INPP4B: variants seen among roughly 807,000 people sequenced by gnomAD.
The protein encoded by INPP4B is inositol polyphosphate-4-phosphatase type II B, also known as inositol polyphosphate 4-phosphatase type II.
INPP4B carries 55 observed loss-of-function variants against 122.5 expected under a neutral mutation model. The observed-to-expected ratio is 0.45, with a 90% CI of 0.36 to 0.56. The LOEUF (loss-of-function observed/expected upper bound fraction) is 0.56, where lower values mean the gene tolerates loss of function less well. Ranked by LOEUF, INPP4B falls within the 20% of genes least tolerant of loss-of-function variation. INPP4B has a pLI of 0.00. For missense variants in INPP4B, 1,000 were observed against 1,097.7 expected (o/e 0.91, Z 1.26); for synonymous variants, 403 against 388.7 (o/e 1.04, Z -0.43).
intron 9 of INPP4B, among the ~76,000 whole-genome samples, chr4:142,273,722 T>A (rs1747035673): frequency 6.6e-6 from 1 of 151,874 alleles, no homozygotes; most frequent in Non-Finnish European, 1.5e-5. Context: ...ACATGCTTAA[T>A]CTAGTGATGC....
intron 7 of INPP4B, among the ~76,000 whole-genome samples, chr4:142,363,351 A>G (rs545687877): frequency 4.9e-4 from 74 of 151,804 alleles, no homozygotes; most frequent in South Asian, 2.1e-3. Flanking sequence ...ATATATATAT[A>G]TGTGTGTGTG....
chr4:142,832,159 G>A lies in INPP4B; in HGVS notation c.-254+14050C>T, dbSNP rs531942917. ...TATTTCTGCTTATGTGGAATGTGCC[G>A]AGTAGATAATTCAGTGATGAGTAAA... On this transcript the variant is annotated intron_variant, in intron 1 of 25. Coordinates refer to ENST00000262992, the MANE Select transcript of INPP4B (RefSeq NM_001101669.3). Among the ~76,000 whole-genome samples the A allele has an allele frequency of 1.1e-4, 17 of 152,276 alleles. No homozygotes were observed. In the South Asian group the frequency reaches 3.3e-3, roughly 30 times the overall value.
At chr4:142,521,744 G>C (rs1005090142) in intron 2 of INPP4B, among the ~76,000 whole-genome samples, 4 of 151,966 alleles carry the variant, frequency 2.6e-5, no homozygotes, top group African/African-American at 9.7e-5. Context: ...TAAGATTTCT[G>C]TGTTTTAAAC....
intron 1 of INPP4B, among the ~76,000 whole-genome samples, chr4:142,747,926 C>T (rs113085465): frequency 0.025 from 3,758 of 152,024 alleles, 60 homozygotes; most frequent in Middle Eastern, 0.095. Context: ...ATGTAGATGA[C>T]GAGTTGATAG....
chr4:142,367,332 C>T (rs997035566), intron 7 of INPP4B, among the ~76,000 whole-genome samples: 1 of 151,768 alleles, frequency 6.6e-6, no homozygotes, highest in Non-Finnish European at 1.5e-5. Context: ...GGACACAATT[C>T]CCTAGACTTC....
chr4:142,496,377 C>T (rs142859259), intron 2 of INPP4B, among the ~76,000 whole-genome samples: 1 of 152,198 alleles, frequency 6.6e-6, no homozygotes, highest in African/African-American at 2.4e-5. Context: ...CTGCTTTGAA[C>T]ATTATCATAA....
intron 2 of INPP4B, among the ~76,000 whole-genome samples, chr4:142,557,225 A>G (rs998979276): frequency 1.3e-5 from 2 of 152,176 alleles, no homozygotes; most frequent in African/African-American, 4.8e-5. Flanking sequence ...AAACAGTTGT[A>G]GAGAGGAGAA....
chr4:142,265,731 C>T (rs779793803), intron 10 of INPP4B, among the ~76,000 whole-genome samples: 2 of 152,152 alleles, frequency 1.3e-5, no homozygotes, highest in Admixed American at 6.5e-5. Context: ...GATGTGTTTA[C>T]CATTTTAGTC....
At chr4:142,427,841 C>A (rs1046878368) in intron 5 of INPP4B, among the ~76,000 whole-genome samples, 9 of 151,904 alleles carry the variant, frequency 5.9e-5, no homozygotes, top group Non-Finnish European at 1.3e-4. Context: ...TCAAGTTGTA[C>A]GAGTGAAGAG....
intron 10 of INPP4B, among the ~76,000 whole-genome samples, chr4:142,269,749 C>T (rs558076947): frequency 3.3e-5 from 5 of 152,078 alleles, no homozygotes; most frequent in South Asian, 2.1e-4. Context: ...GTATGTGAGG[C>T]GATAGATTTG....
chr4:142,580,269 C>A (rs561194277), intron 2 of INPP4B, among the ~76,000 whole-genome samples: 1 of 151,852 alleles, frequency 6.6e-6, no homozygotes, highest in South Asian at 2.1e-4. Flanking sequence ...TTTCTAACTT[C>A]AAAAGCAGCA....
chr4:142,796,603 G>A (rs889212670), intron 1 of INPP4B, among the ~76,000 whole-genome samples: 1 of 151,864 alleles, frequency 6.6e-6, no homozygotes, highest in African/African-American at 2.4e-5. Context: ...TATAAAGGCA[G>A]AGCCACCAGC....
Position 142,545,739 on chromosome 4 carries a change from A to ATATGTG in INPP4B, c.-190-83014_-190-83013insCACATA. On this transcript the variant is annotated intron_variant, in intron 2 of 25. Coordinates refer to ENST00000262992, the MANE Select transcript of INPP4B (RefSeq NM_001101669.3). ...TGTATATGTGTGTATATACACATAT[A>ATATGTG]TGTGTATATATATACACATGTATAT... is the stretch of plus-strand genomic sequence containing the variant. Among the ~76,000 whole-genome samples the ATATGTG allele has an allele frequency of 1.8e-5, 2 of 112,760 alleles. 1 individual carries two copies. Among genetic ancestry groups the ATATGTG allele is most frequent in the Non-Finnish European group, 3.5e-5 (2 of 57,428 alleles). 74.0% of individuals were successfully genotyped at this position (112,760 alleles called of 152,430 possible). A position where few individuals can be genotyped will look rare whatever the true frequency, so the allele number is the denominator to read the frequency against.
At chr4:142,333,836 T>G (rs1775590592) in intron 7 of INPP4B, among the ~76,000 whole-genome samples, 2 of 152,316 alleles carry the variant, frequency 1.3e-5, no homozygotes, top group Admixed American at 6.5e-5. Context: ...AACCAGCTAT[T>G]TAACCTGTCC....
At chr4:142,364,027 T>A (rs888859284) in intron 7 of INPP4B, among the ~76,000 whole-genome samples, 1 of 151,206 alleles carries the variant, frequency 6.6e-6, no homozygotes, top group South Asian at 2.1e-4. Flanking sequence ...AGAGTGAGGG[T>A]GGGAAGATTC....
chr4:142,267,889 C>T (rs1050750073), intron 10 of INPP4B, among the ~76,000 whole-genome samples: 1 of 151,838 alleles, frequency 6.6e-6, no homozygotes, highest in African/African-American at 2.4e-5. Flanking sequence ...GACAAAGGAC[C>T]TAAAAAACAC....
chr4:142,027,359 A>C lies in INPP4B; in HGVS notation c.*1423T>G, dbSNP rs141396691. 1.3e-3 allele frequency: 193 copies of C among 152,322 alleles called. No individual in the cohort carries two copies. The highest frequency in any genetic ancestry group is 4.4e-3 in the African/African-American group (181 of 41,582). 9.4% of individuals were successfully genotyped at this position (152,322 alleles called of 1,614,324 possible). A position where few individuals can be genotyped will look rare whatever the true frequency, so the allele number is the denominator to read the frequency against. On this transcript the variant is annotated 3_prime_UTR_variant, in exon 26 of 26. Transcript: ENST00000262992. ...ATGGGAAGCATAATATCATCCATTG[A>C]TCATAGCTAAGAGAGGGCTTAAGAA...
intron 7 of INPP4B, among the ~76,000 whole-genome samples, chr4:142,365,691 G>A (rs1165703394): frequency 6.6e-6 from 1 of 152,114 alleles, no homozygotes; most frequent in Non-Finnish European, 1.5e-5. Flanking sequence ...AAGCAGCCAA[G>A]ATTCAGTGAG....
At chr4:142,364,036 T>A (rs572502054) in intron 7 of INPP4B, among the ~76,000 whole-genome samples, 1 of 151,902 alleles carries the variant, frequency 6.6e-6, no homozygotes, top group Admixed American at 6.6e-5. Flanking sequence ...GTGGGAAGAT[T>A]CTAGAAAAGC....
Sources: allele counts gnomAD v4.1 joint callset (sites outside exome capture counted in the v4.1 genomes callset), GRCh38; gene constraint gnomAD v4.1.1; transcripts MANE v1.5; gene names NCBI Gene and HGNC (gene_info 2026-07-23, HGNC 2026-07-21).